ZNF521: variants seen among roughly 807,000 people sequenced by gnomAD.
ZNF521 encodes LYST-interacting protein 3.
Under a neutral mutation model 105.5 loss-of-function variants are expected in ZNF521, and 14 were observed. The observed-to-expected ratio is 0.13, with a 90% CI of 0.09 to 0.21. The LOEUF (loss-of-function observed/expected upper bound fraction) is 0.21. Ranked by LOEUF, ZNF521 falls within the 10% of genes least tolerant of loss-of-function variation. The pLI, the probability that ZNF521 is intolerant of heterozygous loss-of-function variation, is 1.00. For synonymous variants in ZNF521, 635 were observed against 606.0 expected, an observed-to-expected ratio of 1.05 and a Z score of -0.70; for missense variants, 1,233 against 1,629.7, an observed-to-expected ratio of 0.76 and a Z score of 4.19.
chr18:25,297,142 C>CACATATAT (rs112698467), intron 3 of ZNF521, among the ~76,000 whole-genome samples: 6 of 146,228 alleles, frequency 4.1e-5, no homozygotes, highest in African/African-American at 1.6e-4. Flanking sequence ...CACACACACA[C>CACATATAT]ATATATATAT....
chr18:25,188,129 C>T (rs906619873), intron 5 of ZNF521, among the ~76,000 whole-genome samples: 1 of 152,150 alleles, frequency 6.6e-6, no homozygotes, highest in Non-Finnish European at 1.5e-5. Context: ...ACGGCTGCCC[C>T]ATACAGAGCT....
At chr18:25,239,841 CT>C (rs1286482682) in intron 3 of ZNF521, among the ~76,000 whole-genome samples, 5 of 152,110 alleles carry the variant, frequency 3.3e-5, no homozygotes, top group South Asian at 4.2e-4. Flanking sequence ...CATTTACATC[CT>C]GTTTAAGGTC....
intron 3 of ZNF521, among the ~76,000 whole-genome samples, chr18:25,293,582 T>A (rs2145040199): frequency 6.6e-6 from 1 of 152,348 alleles, no homozygotes; most frequent in Admixed American, 6.5e-5. Flanking sequence ...TTGAGCTTCT[T>A]AAGATAGGTA....
chr18:25,272,386 G>A (rs1401579085), intron 3 of ZNF521, among the ~76,000 whole-genome samples: 10 of 151,960 alleles, frequency 6.6e-5, no homozygotes, highest in Admixed American at 1.3e-4. Flanking sequence ...TAGAAATACC[G>A]ATTGACCCAG....
At position 25,154,756 on chromosome 18, in the gene ZNF521, T is replaced by C. The variant is rs145460065; in HGVS notation, c.3658+40404A>G. Among the ~76,000 whole-genome samples the C allele has an allele frequency of 5.3e-5, 8 of 152,340 alleles. 1 individual carries two copies. The highest frequency in any genetic ancestry group is 1.0e-4 in the Non-Finnish European group (7 of 68,016). ...GAACAAGACCTTAGAAATTGTCTAG[T>C]ACACACCTTCTCTTTAAAAATAAGA... On this transcript the variant is annotated intron_variant, in intron 5 of 7. Transcript: ENST00000361524.
At chr18:25,284,199 G>A (rs572334250) in intron 3 of ZNF521, among the ~76,000 whole-genome samples, 5 of 152,262 alleles carry the variant, frequency 3.3e-5, no homozygotes, top group South Asian at 2.1e-4. Context: ...CTCTTTACCA[G>A]AGATAATAAA....
intron 5 of ZNF521, among the ~76,000 whole-genome samples, chr18:25,173,258 C>T (rs1325735720): frequency 1.3e-5 from 2 of 152,208 alleles, no homozygotes; most frequent in Non-Finnish European, 2.9e-5. Context: ...AGAGGTTAAT[C>T]AGGGGATAGG....
chr18:25,096,326 C>G (rs1464729566), intron 5 of ZNF521, among the ~76,000 whole-genome samples: 1 of 152,144 alleles, frequency 6.6e-6, no homozygotes, highest in Non-Finnish European at 1.5e-5. Flanking sequence ...AAAGCCAGTT[C>G]AAAGATGAAT....
intron 5 of ZNF521, among the ~76,000 whole-genome samples, chr18:25,169,994 C>G (rs1328026715): frequency 6.6e-6 from 1 of 152,060 alleles, no homozygotes; most frequent in Non-Finnish European, 1.5e-5. Flanking sequence ...TAATACTGAT[C>G]TAGGGTGTAT....
intron 5 of ZNF521, among the ~76,000 whole-genome samples, chr18:25,184,335 T>C (rs890014374): frequency 3.3e-5 from 5 of 152,260 alleles, no homozygotes; most frequent in South Asian, 2.1e-4. Context: ...CTCGAAGAGA[T>C]ATAATATAGA....
intron 3 of ZNF521, among the ~76,000 whole-genome samples, chr18:25,311,917 A>C (rs1292688155): frequency 1.3e-5 from 2 of 152,244 alleles, no homozygotes; most frequent in African/African-American, 4.8e-5. Context: ...GTCAAGAAAC[A>C]GGTGATTTAT....
intron 5 of ZNF521, among the ~76,000 whole-genome samples, chr18:25,158,955 TAA>T (rs576679986): frequency 2.9e-5 from 4 of 136,584 alleles, no homozygotes; most frequent in Admixed American, 7.4e-5. Context: ...GACTCCATCT[TAA>T]AAAAAAAAAA....
At chr18:25,126,204 T>C (rs929490551) in intron 5 of ZNF521, among the ~76,000 whole-genome samples, 2 of 152,092 alleles carry the variant, frequency 1.3e-5, no homozygotes, top group African/African-American at 4.8e-5. Context: ...CAAGCAATCT[T>C]TGGTTTCTCA....
At chr18:25,233,701 A>T (rs1302950760) in intron 3 of ZNF521, among the ~76,000 whole-genome samples, 2 of 148,528 alleles carry the variant, frequency 1.3e-5, no homozygotes, top group African/African-American at 5.0e-5. Context: ...ACTCCCTAGT[A>T]AAAAAGAGGC....
rs555661417 is a variant in ZNF521, at chr18:25,109,811, G to C, written c.3659-17730C>G. Among the ~76,000 whole-genome samples, 8 of 152,010 alleles carry C rather than the reference G, an allele frequency of 5.3e-5. No homozygotes were observed. In the South Asian group the frequency reaches 1.7e-3, roughly 32 times the overall value. ...TAATGGAATTGTTTGTTTTTTTCTT[G>C]TTGTGCTGTTTGAGATCATTGTGGA... On this transcript the variant is annotated intron_variant, in intron 5 of 7. Coordinates refer to ENST00000361524, the MANE Select transcript of ZNF521 (RefSeq NM_015461.3).
Position 25,304,973 on chromosome 18 carries a change from T to C in ZNF521, c.220+17035A>G, listed in dbSNP as rs534411004. On this transcript the variant is annotated intron_variant, in intron 3 of 7. Coordinates refer to ENST00000361524, the MANE Select transcript of ZNF521 (RefSeq NM_015461.3). ...TGCCCTCATAATGCTCAGCAAAAGA[T>C]GTGAATATAGCAAAACACACTAACA... is the stretch of plus-strand genomic sequence containing the variant. Among the ~76,000 whole-genome samples the C allele has an allele frequency of 1.4e-4, 21 of 152,222 alleles. 1 individual carries two copies. The highest frequency in any genetic ancestry group is 1.3e-3 in the Admixed American group (20 of 15,290).
intron 2 of ZNF521, among the ~76,000 whole-genome samples, chr18:25,342,283 C>A (rs902887605): frequency 1.3e-5 from 2 of 152,188 alleles, no homozygotes; most frequent in South Asian, 2.1e-4. Flanking sequence ...CCCAAACCCC[C>A]CTATGTATAG....
At chr18:25,274,529 A>C (rs909951849) in intron 3 of ZNF521, among the ~76,000 whole-genome samples, 1 of 152,220 alleles carries the variant, frequency 6.6e-6, no homozygotes, top group Admixed American at 6.5e-5. Flanking sequence ...TCACTGACAA[A>C]TATTTCCAAA....
chr18:25,222,436 A>G (rs1261842108), intron 4 of ZNF521, among the ~76,000 whole-genome samples: 2 of 152,186 alleles, frequency 1.3e-5, no homozygotes, highest in African/African-American at 4.8e-5. Flanking sequence ...TATAAATATC[A>G]GAAAATACAA....
Sources: gnomAD v4.1 joint callset for allele counts (sites outside exome capture counted in the v4.1 genomes callset) on GRCh38, gnomAD v4.1.1 for gene constraint, MANE v1.5 for transcripts, NCBI Gene and HGNC (gene_info 2026-07-23, HGNC 2026-07-21) for gene names.